PTPRG: variants seen among roughly 807,000 people sequenced by gnomAD.
PTPRG encodes protein tyrosine phosphatase receptor type G, also known as receptor-type tyrosine-protein phosphatase gamma.
In PTPRG, 102 loss-of-function variants were observed where a neutral mutation model predicts 165.3. That is an observed-to-expected ratio of 0.62 (90% CI 0.53 to 0.73). The LOEUF is 0.73. Ranked by LOEUF, PTPRG falls within the 30% of genes least tolerant of loss-of-function variation. The pLI is 0.00. For synonymous variants in PTPRG, 675 were observed against 669.5 expected, an observed-to-expected ratio of 1.01 and a Z score of -0.13; for missense variants, 1,866 against 1,861.4, an observed-to-expected ratio of 1.00 and a Z score of -0.05.
At chr3:61,721,399 C>T (rs1323425019) in intron 1 of PTPRG, among the ~76,000 whole-genome samples, 3 of 152,098 alleles carry the variant, frequency 2.0e-5, no homozygotes, top group Non-Finnish European at 4.4e-5. Context: ...CAAAGATGTA[C>T]CATTCACTAC....
rs373081366 is a variant in PTPRG at position 62,220,269 on chromosome 3, G to A, written c.2288+1286G>A. Among the ~76,000 whole-genome samples the A allele has an allele frequency of 5.9e-5, 9 of 152,232 alleles. No homozygotes were observed. The South Asian group carries it at 1.7e-3, about 28-fold the overall frequency. ...ATTGTTAATGCACTGCCTTTCACTC[G>A]AAGATGAGTAGGGTTTGGTACAGAA... On this transcript the variant is annotated intron_variant, in intron 13 of 29. Transcript: ENST00000474889.
intron 2 of PTPRG, among the ~76,000 whole-genome samples, chr3:61,779,333 C>T (rs1241745180): frequency 2.0e-5 from 3 of 151,916 alleles, no homozygotes; most frequent in Non-Finnish European, 4.4e-5. Flanking sequence ...ACTCCCAAGT[C>T]TAATTTTAAG....
At chr3:61,595,277 A>G (rs1700675159) in intron 1 of PTPRG, among the ~76,000 whole-genome samples, 1 of 147,490 alleles carries the variant, frequency 6.8e-6, no homozygotes, top group East Asian at 2.0e-4. Context: ...GTGCTAGTAC[A>G]TATTAACGTT....
chr3:62,203,364 T>C lies in PTPRG; in HGVS notation c.1569T>C (p.Gly523=), dbSNP rs762543664. The C allele has an allele frequency of 2.2e-5, 36 of 1,612,278 alleles. No individual in the cohort carries two copies. The Admixed American group carries it at 5.8e-4, about 26-fold the overall frequency. The change falls in exon 12 of 30, where the codon GGT becomes GGC. Residue 523 remains glycine, a synonymous_variant. Coordinates refer to ENST00000474889, the MANE Select transcript of PTPRG (RefSeq NM_002841.4). This position sits in a 1 kb window ranked among gnomAD's most constrained non-coding sequence, Gnocchi z 6.4. ...STLLAGLGFG[G]GGISSFPSTV... is the part of the protein sequence containing the mutation. ...TGCTCGCCGGCCTGGGGTTCGGCGGTGGTGGCATCTCCTCTTTCCCCAGCA... is the reference window on the plus strand; with the variant it reads ...TGCTCGCCGGCCTGGGGTTCGGCGGCGGTGGCATCTCCTCTTTCCCCAGCA...
intron 1 of PTPRG, among the ~76,000 whole-genome samples, chr3:61,692,459 C>A (rs2030281345): frequency 6.6e-6 from 1 of 152,136 alleles, no homozygotes; most frequent in Non-Finnish European, 1.5e-5. Flanking sequence ...CTACATTTTA[C>A]AGTTTGGAAA....
chr3:62,192,949 T>C (rs1329218772), intron 9 of PTPRG, among the ~76,000 whole-genome samples: 1 of 152,222 alleles, frequency 6.6e-6, no homozygotes, highest in Non-Finnish European at 1.5e-5. Context: ...TTTTCATATT[T>C]CTTTAGATGA....
chr3:62,049,240 T>C (rs953375115), intron 4 of PTPRG, among the ~76,000 whole-genome samples: 3 of 152,150 alleles, frequency 2.0e-5, no homozygotes, highest in African/African-American at 7.2e-5. Flanking sequence ...GCGAGCAGCA[T>C]GTTCACTGTT....
Position 62,277,049 on chromosome 3 carries a change from G to A in PTPRG, c.3636+1G>A. On this transcript the variant is annotated splice_donor_variant, in intron 25 of 29. Transcript: ENST00000474889. LOFTEE classifies it high-confidence loss of function. ...TTACATTAATGCTTCTTATATCATG[G>A]TGAGAGTCAACAGTTAATTATAAAT... 6.2e-7 allele frequency: 1 copy of A among 1,609,834 alleles called. No homozygotes were observed. The highest frequency in any genetic ancestry group is 8.5e-7 in the Non-Finnish European group (1 of 1,176,570).
intron 4 of PTPRG, among the ~76,000 whole-genome samples, chr3:62,022,498 C>T (rs1470646955): frequency 6.6e-6 from 1 of 152,154 alleles, no homozygotes; most frequent in African/African-American, 2.4e-5. Context: ...ACCCAACAGG[C>T]ATTTTTCAAT....
At chr3:62,153,884 G>A (rs987002419) in intron 6 of PTPRG, among the ~76,000 whole-genome samples, 2 of 152,188 alleles carry the variant, frequency 1.3e-5, no homozygotes, top group Non-Finnish European at 2.9e-5. Context: ...AAGTGCTGGG[G>A]GTGCTGGTGC....
chr3:62,187,755 T>TG (rs1227366143), intron 8 of PTPRG, among the ~76,000 whole-genome samples: 1 of 152,134 alleles, frequency 6.6e-6, no homozygotes, highest in East Asian at 1.9e-4. Context: ...CTACCCAGGA[T>TG]GGGGGGTAGA....
chr3:61,680,041 T>C (rs1424362354), intron 1 of PTPRG, among the ~76,000 whole-genome samples: 1 of 152,112 alleles, frequency 6.6e-6, no homozygotes, highest in Non-Finnish European at 1.5e-5. Flanking sequence ...CTTCCTATTC[T>C]CTCAATCCCA....
At chr3:61,590,505 C>T (rs2106820371) in intron 1 of PTPRG, among the ~76,000 whole-genome samples, 1 of 151,932 alleles carries the variant, frequency 6.6e-6, no homozygotes, top group African/African-American at 2.4e-5. Context: ...GCCTGGGCAA[C>T]AGAGCAAGAC....
At chr3:61,684,226 A>T (rs1182830940) in intron 1 of PTPRG, among the ~76,000 whole-genome samples, 1 of 152,146 alleles carries the variant, frequency 6.6e-6, no homozygotes, top group Non-Finnish European at 1.5e-5. Flanking sequence ...GGGAGTGTAT[A>T]TGCTGGTGGT....
At chr3:61,581,609 CTTTTTTTT>C (rs138750100) in intron 1 of PTPRG, among the ~76,000 whole-genome samples, 3 of 137,090 alleles carry the variant, frequency 2.2e-5, no homozygotes, top group Admixed American at 7.2e-5. Context: ...TTCTTTTTTT[CTTTTTTTT>C]TTTTTTTTTT....
At chr3:62,011,386 T>A (rs1226619438) in intron 4 of PTPRG, among the ~76,000 whole-genome samples, 1 of 152,188 alleles carries the variant, frequency 6.6e-6, no homozygotes, top group Non-Finnish European at 1.5e-5. Flanking sequence ...CTGAAAAGTT[T>A]CTTTTTTCAC....
At chr3:61,868,762 AG>A (rs778126407) in intron 2 of PTPRG, among the ~76,000 whole-genome samples, 98 of 152,260 alleles carry the variant, frequency 6.4e-4, no homozygotes, top group Non-Finnish European at 1.0e-3. Flanking sequence ...ACAGTTCTCA[AG>A]GTTTCTAAGT....
At chr3:62,276,065 A>G (rs1702223249) in intron 24 of PTPRG, 99 bp downstream of exon 24, 5 of 851,298 alleles carry the variant, frequency 5.9e-6, no homozygotes, top group South Asian at 3.5e-5. Context: ...GCACCCTTCA[A>G]TTGTACTGTA....
intron 2 of PTPRG, among the ~76,000 whole-genome samples, chr3:61,911,385 C>T (rs2038800765): frequency 6.6e-6 from 1 of 152,150 alleles, no homozygotes; most frequent in South Asian, 2.1e-4. Context: ...ATGCTAATTC[C>T]ATCACTTTGG....
Sources: gnomAD v4.1 joint callset for allele counts (sites outside exome capture counted in the v4.1 genomes callset) on GRCh38, gnomAD v4.1.1 for gene constraint, Gnocchi (gnomAD v3.1) non-coding constraint, MANE v1.5 for transcripts, NCBI Gene and HGNC (gene_info 2026-07-23, HGNC 2026-07-21) for gene names.